Variants in ABCA13 observed in about 807,000 individuals in gnomAD.
ABCA13 encodes the protein ATP-binding cassette sub-family A member 13.
Under a neutral mutation model 478.7 loss-of-function variants are expected in ABCA13, and 476 were observed. The observed-to-expected ratio is 0.99, with a 90% CI of 0.92 to 1.07. The LOEUF (loss-of-function observed/expected upper bound fraction) is 1.07, where lower values mean the gene tolerates loss of function less well. ABCA13 is among the 50% of genes least tolerant of loss of function. The pLI, the probability that ABCA13 is intolerant of heterozygous loss-of-function variation, is 0.00. For synonymous variants in ABCA13, 2,252 were observed against 2,158.9 expected (o/e 1.04, Z -1.20); for missense variants, 6,060 against 5,910.6 (o/e 1.03, Z -0.83).
Position 48,272,736 on chromosome 7 carries a change from A to T in ABCA13, c.3070A>T (p.Ile1024Phe), listed in dbSNP as rs549198948. The T allele has an allele frequency of 1.3e-5, 21 of 1,609,940 alleles. No homozygotes were observed. The South Asian group carries it at 2.2e-4, about 17-fold the overall frequency. Residue 1024 changes from isoleucine (I) to phenylalanine (F), a missense_variant, in exon 17 of 62, where the codon ATT becomes TTT. Physicochemically the swap from Ile to Phe is conservative, Grantham distance 21 (BLOSUM62 0). This residue lies in a region of ABCA13 where 4,423 missense variants were observed against 4,309.1 expected (regional missense o/e 1.03). Coordinates refer to ENST00000435803, the MANE Select transcript of ABCA13 (RefSeq NM_152701.5). ...LFKTAEVLGGISNVSYCQQLL... is the reference protein window; with the variant it reads ...LFKTAEVLGGFSNVSYCQQLL... ...TAAGACAGCAGAGGTTCTTGGGGGA[A>T]TTTCTAATGTATCTTACTGTCAGCA...
intron 56 of ABCA13, among the ~76,000 whole-genome samples, 177 bp from the exon 57 acceptor site, chr7:48,586,977 T>C (rs540220047): frequency 1.3e-5 from 2 of 152,270 alleles, no homozygotes; most frequent in Non-Finnish European, 2.9e-5. Context: ...TCCCACCTGT[T>C]CACTCTCAAT....
chr7:48,268,932 CTGTTA>C (rs1308483255), intron 15 of ABCA13, 43 bp from the exon 16 acceptor site: 2 of 724,892 alleles, frequency 2.8e-6, no homozygotes, highest in Non-Finnish European at 4.1e-6. Flanking sequence ...TTAGATTTGT[CTGTTA>C]TAACCAGTTT....
rs190198657 is a variant in ABCA13 at position 48,329,565 on chromosome 7, C to A, written c.10000-5857C>A. Among the ~76,000 whole-genome samples the A allele has an allele frequency of 2.0e-5, 3 of 152,112 alleles. No individual in the cohort carries two copies. In the South Asian group the frequency reaches 6.2e-4, roughly 32 times the overall value. ...TTCTCTTTTCCTCCCATCCGTCCAT[C>A]CATCCATCCATCCATTTATCTATTC... On this transcript the variant is annotated intron_variant, in intron 27 of 61. Transcript: ENST00000435803.
rs1288354211 is a variant in ABCA13 at position 48,278,590 on chromosome 7, C to T, written c.7396C>T (p.Leu2466=). ...TTTCTTTATAAATAATTCATTCCCT[C>T]TAAGAAACAGAGCAACATTAGAAAT... ...LLFFINNSFP[L]RNRATLEITK... is the part of the protein sequence containing the mutation. The change falls in exon 18 of 62, where the codon CTA becomes TTA. Residue 2466 remains leucine (L), a synonymous_variant. Transcript: ENST00000435803. The T allele has an allele frequency of 1.2e-6, 2 of 1,613,744 alleles. No individual in the cohort carries two copies. The highest frequency in any genetic ancestry group is 1.7e-5 in the Admixed American group (1 of 59,992).
intron 59 of ABCA13, among the ~76,000 whole-genome samples, chr7:48,633,939 G>GATAGATAC (rs142671361): frequency 6.9e-4 from 69 of 99,924 alleles, no homozygotes; most frequent in African/African-American, 2.0e-3. Flanking sequence ...TACATAGATA[G>GATAGATAC]ATAGATAGAT....
chr7:48,350,690 CG>C lies in ABCA13; in HGVS notation c.10253del (p.Arg3418LeufsTer16). 1 of 1,613,912 alleles carries C rather than the reference CG, an allele frequency of 6.2e-7. No individual in the cohort carries two copies. On this transcript the variant is annotated frameshift_variant, in exon 30 of 62. Coordinates refer to ENST00000435803, the MANE Select transcript of ABCA13 (RefSeq NM_152701.5). LOFTEE classifies it high-confidence loss of function. ...TAACCATGCAGGCGCTGGACGCTTC[CG>C]TTTCTTGGGCAGCATCTTGGTCAAT... ...MFNHAGAGRF[R>X]FLGSILVNLS...
chr7:48,283,837 A>G (rs913770484), intron 19 of ABCA13, among the ~76,000 whole-genome samples: 1 of 152,198 alleles, frequency 6.6e-6, no homozygotes, highest in African/African-American at 2.4e-5. Context: ...GCTGTAATGG[A>G]AGAAGCAGGC....
At chr7:48,279,942 C>A (rs1432141843) in intron 18 of ABCA13, 22 bp downstream of exon 18, 1 of 1,500,592 alleles carries the variant, frequency 6.7e-7, no homozygotes, top group Non-Finnish European at 8.9e-7. Flanking sequence ...GCTGAATTCA[C>A]TTTGTTTTTT....
At chr7:48,621,589 G>C (rs2131593981) in intron 59 of ABCA13, among the ~76,000 whole-genome samples, 1 of 152,106 alleles carries the variant, frequency 6.6e-6, no homozygotes, top group East Asian at 1.9e-4. Context: ...TTACTAAGTT[G>C]GTGTCCTATG....
At chr7:48,508,104 C>G in intron 50 of ABCA13, 55 bp downstream of exon 50, 1 of 1,608,918 alleles carries the variant, frequency 6.2e-7, no homozygotes, top group East Asian at 2.2e-5. Flanking sequence ...CTAAATAGTG[C>G]GTGTATGGAG....
Position 48,372,376 on chromosome 7 carries a change from T to C in ABCA13, c.11012T>C (p.Phe3671Ser). The C allele has an allele frequency of 6.2e-7, 1 of 1,613,976 alleles. No homozygotes were observed. The part of the protein sequence containing the change: ...VVMLSYLLSA[F>S]FSQANTAALC... ...ATGCTGAGCTACCTCTTGAGTGCATTTTTCAGCCAAGCTAATACAGCGGCC... is the reference window on the plus strand; with the variant it reads ...ATGCTGAGCTACCTCTTGAGTGCATCTTTCAGCCAAGCTAATACAGCGGCC... Residue 3671 changes from phenylalanine to serine, a missense_variant, in exon 33 of 62, where the codon TTT (phenylalanine) becomes TCT (serine). Phe to Ser is a radical substitution (Grantham distance 155). This residue lies in a region of ABCA13 where 4,423 missense variants were observed against 4,309.1 expected (regional missense o/e 1.03). Coordinates refer to ENST00000435803, the MANE Select transcript of ABCA13 (RefSeq NM_152701.5).
intron 55 of ABCA13, among the ~76,000 whole-genome samples, chr7:48,564,454 T>A (rs1345381803): frequency 6.6e-6 from 1 of 151,918 alleles, no homozygotes; most frequent in Non-Finnish European, 1.5e-5. Context: ...ATAATGATTC[T>A]TAGTGTATTT....
intron 3 of ABCA13, among the ~76,000 whole-genome samples, chr7:48,208,412 A>G (rs1012451294): frequency 7.2e-5 from 11 of 152,142 alleles, no homozygotes; most frequent in African/African-American, 2.7e-4. Flanking sequence ...ACATTTTAAT[A>G]ATATTGATTC....
intron 55 of ABCA13, among the ~76,000 whole-genome samples, chr7:48,558,556 C>T (rs994375771): frequency 6.6e-6 from 1 of 152,090 alleles, no homozygotes; most frequent in Non-Finnish European, 1.5e-5. Flanking sequence ...CCTTGGCCTC[C>T]CAAAGTGCTG....
At chr7:48,543,647 T>A (rs1177611732) in intron 55 of ABCA13, among the ~76,000 whole-genome samples, 4 of 151,132 alleles carry the variant, frequency 2.6e-5, no homozygotes, top group African/African-American at 7.3e-5. Context: ...ATAAAAAAAA[T>A]AAAAAATAGG....
chr7:48,200,456 A>C (rs1176199445), intron 3 of ABCA13, among the ~76,000 whole-genome samples: 1 of 152,188 alleles, frequency 6.6e-6, no homozygotes, highest in African/African-American at 2.4e-5. Context: ...TCCTCACTTC[A>C]ATGTGCAGAA....
chr7:48,203,523 T>C (rs1015634416), intron 3 of ABCA13, among the ~76,000 whole-genome samples: 2 of 152,236 alleles, frequency 1.3e-5, no homozygotes, highest in African/African-American at 4.8e-5. Context: ...AAGTTCACTT[T>C]GGGCAGAAAT....
chr7:48,197,453 G>A (rs911471417), intron 2 of ABCA13, among the ~76,000 whole-genome samples: 2 of 152,182 alleles, frequency 1.3e-5, no homozygotes, highest in Non-Finnish European at 2.9e-5. Context: ...GGGCTGACAA[G>A]TTTTCCAGGG....
Position 48,229,972 on chromosome 7 carries a change from G to A in ABCA13, c.763+17G>A, listed in dbSNP as rs1288074582. 4.4e-6 allele frequency: 7 copies of A among 1,609,128 alleles called. No homozygotes were observed. The highest frequency in any genetic ancestry group is 5.9e-6 in the Non-Finnish European group (7 of 1,177,194). On this transcript the variant is annotated intron_variant, in intron 7 of 61. Transcript: ENST00000435803. ...CAGTCACCGGTATGGGTGCCTTGTA[G>A]CTATTGCTATATTTCAAAACGTTTA... is the stretch of plus-strand genomic sequence containing the variant.
Sources: gnomAD v4.1 joint callset for allele counts (sites outside exome capture counted in the v4.1 genomes callset) on GRCh38, gnomAD v4.1.1 for gene constraint, gnomAD v4.1.1 regional missense constraint, MANE v1.5 for transcripts, NCBI Gene and HGNC (gene_info 2026-07-23, HGNC 2026-07-21) for gene names.